Variants in RFX1 observed in about 807,000 individuals in gnomAD.
RFX1 encodes the protein MHC class II regulatory factor RFX1.
A neutral mutation model predicts 119.6 loss-of-function variants in RFX1; 42 were observed. The observed-to-expected ratio is 0.35, with a 90% CI of 0.27 to 0.45. RFX1 has a LOEUF of 0.45. Among genes scored for constraint, RFX1 ranks in the 20% least tolerant of loss-of-function variants. The pLI is 1.00. For missense variants in RFX1, 1,118 were observed against 1,368.1 expected (o/e 0.82, Z 2.88); for synonymous variants, 628 against 618.5 (o/e 1.02, Z -0.23).
chr19:13,968,940 C>T lies in RFX1; in HGVS notation c.1497-46G>A, dbSNP rs1042451042. 6 of 1,535,380 alleles carry T rather than the reference C, an allele frequency of 3.9e-6. No homozygotes were observed. The highest frequency in any genetic ancestry group is 5.3e-6 in the Non-Finnish European group (6 of 1,142,708). On this transcript the variant is annotated intron_variant, in intron 10 of 20. Coordinates refer to ENST00000254325, the MANE Select transcript of RFX1 (RefSeq NM_002918.5). This position sits in a 1 kb window ranked among gnomAD's most constrained non-coding sequence, Gnocchi z 5.5. ...AAGGGCTGGGCTGGGGGTCTGCCGG[C>T]TGGCCGGCCATGGAGCACCTCACAG...
rs771187898 is a variant in RFX1 at position 13,983,606 on chromosome 19, G to T, written c.320-11C>A. On this transcript the variant is annotated splice_polypyrimidine_tract_variant and intron_variant, in intron 2 of 20. Coordinates refer to ENST00000254325, the MANE Select transcript of RFX1 (RefSeq NM_002918.5). ...CCCGCATGGCACCTTCTGTGGGGAG[G>T]GGCCACCAGGTCAGTTCTTCCTGCT... 250 of 1,584,106 alleles carry T rather than the reference G, an allele frequency of 1.6e-4. No individual in the cohort carries two copies. The highest frequency in any genetic ancestry group is 2.0e-4 in the Non-Finnish European group (239 of 1,167,294).
rs758022031 is a variant in RFX1 at position 13,963,108 on chromosome 19, C to T, written c.2724+14G>A. 1 of 1,610,076 alleles carries T rather than the reference C, an allele frequency of 6.2e-7. No homozygotes were observed. Among genetic ancestry groups the T allele is most frequent in the Admixed American group, 1.7e-5 (1 of 59,764 alleles). ...GGCGCCCCGCCCGCGCCCCCAGTGG[C>T]CCGCCTCGCGCACCTCGCCCATGAC... On this transcript the variant is annotated intron_variant, in intron 19 of 20. Coordinates refer to ENST00000254325, the MANE Select transcript of RFX1 (RefSeq NM_002918.5).
At chr19:13,984,170 C>T (rs1025248696) in intron 2 of RFX1, among the ~76,000 whole-genome samples, 1 of 151,392 alleles carries the variant, frequency 6.6e-6, no homozygotes, top group African/African-American at 2.5e-5. Flanking sequence ...CGCTGACAGG[C>T]AGCTGAGAAG....
intron 20 of RFX1, 33 bp from the exon 21 acceptor site, chr19:13,962,897 G>A (rs771863371): frequency 1.8e-4 from 284 of 1,537,618 alleles, no homozygotes; most frequent in Non-Finnish European, 2.4e-4. Context: ...GGCTCGGGGC[G>A]GGGTGGCAAC....
rs1253688976 is a variant in RFX1, at chr19:13,980,906, T to C, written c.622-217A>G. Among the ~76,000 whole-genome samples, 1 of 152,058 alleles carries C rather than the reference T, an allele frequency of 6.6e-6. No homozygotes were observed. ...AGTCAACTCCCAGCAATGATGGGGG[T>C]TTAACCCTCCCCAGCAAGGTTGGCT... On this transcript the variant is annotated intron_variant, in intron 5 of 20. Coordinates refer to ENST00000254325, the MANE Select transcript of RFX1 (RefSeq NM_002918.5). This position sits in a 1 kb window ranked among gnomAD's most constrained non-coding sequence, Gnocchi z 5.1.
chr19:13,983,061 A>T lies in RFX1; in HGVS notation c.513+126T>A, dbSNP rs1242572726. 80 of 699,634 alleles carry T rather than the reference A, an allele frequency of 1.1e-4. 1 individual carries two copies. In the South Asian group the frequency reaches 1.3e-3, roughly 12 times the overall value. 43.3% of individuals were successfully genotyped at this position (699,634 alleles called of 1,614,324 possible). On this transcript the variant is annotated intron_variant, in intron 4 of 20. Transcript: ENST00000254325. Reference sequence around the variant, plus strand: ...AGGTGACTGCCCAGAGCCAGGAGGTAGGGCAGCCCCTGGATGGGGACTCTT... The same window carrying T: ...AGGTGACTGCCCAGAGCCAGGAGGTTGGGCAGCCCCTGGATGGGGACTCTT...
chr19:13,972,928 T>TGGCCCC lies in RFX1; in HGVS notation c.1123_1128dup (p.Gly375_Ala376dup), dbSNP rs780254578. The stretch of plus-strand genomic sequence containing the variant: ...CTGCCACCACCTCCGCTGCTGTTGC[T>TGGCCCC]GGCCCCAGCCCCAGTGCTGGTGGAG... On this transcript the variant is annotated inframe_insertion, in exon 9 of 21. Coordinates refer to ENST00000254325, the MANE Select transcript of RFX1 (RefSeq NM_002918.5). 3.1e-5 allele frequency: 49 copies of TGGCCCC among 1,598,256 alleles called. No individual in the cohort carries two copies. In the African/African-American group the frequency reaches 6.1e-4, roughly 20 times the overall value.
At chr19:13,993,429 T>G (rs1274161117) in intron 2 of RFX1, 96 bp downstream of exon 2, 4 of 1,244,690 alleles carry the variant, frequency 3.2e-6, no homozygotes, top group Middle Eastern at 2.8e-4. Context: ...CCAGAAACCT[T>G]GGGGGGCATG....
rs1258665094 is a variant in RFX1 at position 13,963,627 on chromosome 19, G to A, written c.2481C>T (p.Gly827=). Residue 827 remains glycine (G), a synonymous_variant, in exon 18 of 21, where the codon GGC becomes GGT. Transcript: ENST00000254325. Reference sequence around the variant, plus strand: ...AGGGCTTGAGCACCTGGCTCACCACGCCGTCCAGCCAGGCCGCCCACTGCT... The same window carrying A: ...AGGGCTTGAGCACCTGGCTCACCACACCGTCCAGCCAGGCCGCCCACTGCT... ...SLEQWAAWLD[G]VVSQVLKPYQ... 1.9e-6 allele frequency: 3 copies of A among 1,601,440 alleles called. No individual in the cohort carries two copies. The highest frequency in any genetic ancestry group is 1.7e-6 in the Non-Finnish European group (2 of 1,177,678).
Position 13,972,773 on chromosome 19 carries a change from G to C in RFX1, c.1284C>G (p.Tyr428Ter), listed in dbSNP as rs751773825. 1 of 1,606,516 alleles carries C rather than the reference G, an allele frequency of 6.2e-7. No homozygotes were observed. The highest frequency in any genetic ancestry group is 8.5e-7 in the Non-Finnish European group (1 of 1,176,484). Reference protein sequence around the residue: ...GYMLGSASQSYSHTTRASPAT... With the variant: ...GYMLGSASQS Reference sequence around the variant, plus strand: ...CTGGCGAGGCACGGGTGGTGTGAGAGTAAGACTGGCTGGCACTGCCCAGCA... The same window carrying C: ...CTGGCGAGGCACGGGTGGTGTGAGACTAAGACTGGCTGGCACTGCCCAGCA... The change falls in exon 9 of 21, where the codon TAC becomes TAG. Residue 428 changes from tyrosine (Y) to a stop codon, truncating the protein, a stop_gained. Coordinates refer to ENST00000254325, the MANE Select transcript of RFX1 (RefSeq NM_002918.5). LOFTEE classifies it high-confidence loss of function.
intron 8 of RFX1, among the ~76,000 whole-genome samples, chr19:13,973,515 G>A (rs949250744): frequency 6.6e-6 from 1 of 152,196 alleles, no homozygotes; most frequent in African/African-American, 2.4e-5. Context: ...GGGAGGCTGA[G>A]GCAGGAAGAT....
intron 1 of RFX1, among the ~76,000 whole-genome samples, chr19:14,005,021 C>T (rs1267768232): frequency 6.6e-6 from 1 of 152,174 alleles, no homozygotes; most frequent in East Asian, 1.9e-4. Context: ...GACACAAAAA[C>T]ATGTGTCTGG....
In RFX1 at chr19:13,970,136, C is replaced by T. The variant is rs1413161203; in HGVS notation, c.1354G>A (p.Val452Met). ...LLDNYETAEG[V>M]SLPRSTLYCH... ...TAGAGGGTGCTCCGTGGCAGACTCA[C>T]GCCCTCAGCCGTCTCATAGTTGTCC... The change falls in exon 10 of 21, where the codon GTG becomes ATG. Residue 452 changes from valine to methionine, a missense_variant. Val to Met is a conservative substitution (Grantham distance 21). Transcript: ENST00000254325. 37 of 1,612,972 alleles carry T rather than the reference C, an allele frequency of 2.3e-5. No individual in the cohort carries two copies. Among genetic ancestry groups the T allele is most frequent in the Non-Finnish European group, 2.9e-5 (34 of 1,179,524 alleles).
intron 8 of RFX1, among the ~76,000 whole-genome samples, chr19:13,974,916 C>T (rs1220036118): frequency 6.6e-6 from 1 of 150,422 alleles, no homozygotes; most frequent in Non-Finnish European, 1.5e-5. Context: ...TGGTGGCAGG[C>T]GCCTGTAGTC....
At chr19:13,978,706 C>A (rs1257905524) in intron 7 of RFX1, among the ~76,000 whole-genome samples, 1 of 152,064 alleles carries the variant, frequency 6.6e-6, no homozygotes, top group Non-Finnish European at 1.5e-5. Context: ...GGCGCCCCCG[C>A]CCCCGCCCGC....
At chr19:13,995,247 G>A (rs1309339215) in intron 1 of RFX1, among the ~76,000 whole-genome samples, 2 of 151,838 alleles carry the variant, frequency 1.3e-5, no homozygotes, top group African/African-American at 4.8e-5. Flanking sequence ...GTTTATTGCC[G>A]GAAAGCAGAG....
At chr19:14,001,658 C>T (rs941901091) in intron 1 of RFX1, among the ~76,000 whole-genome samples, 1 of 152,198 alleles carries the variant, frequency 6.6e-6, no homozygotes, top group Admixed American at 6.5e-5. Context: ...GGTAAGGGCC[C>T]CACAGGCAGA....
At chr19:13,973,804 A>G (rs1166860585) in intron 8 of RFX1, among the ~76,000 whole-genome samples, 3 of 151,838 alleles carry the variant, frequency 2.0e-5, no homozygotes, top group African/African-American at 7.3e-5. Flanking sequence ...TAATTTTTGT[A>G]TTTTTTTAGT....
rs1331150301 is a variant in RFX1, at chr19:13,985,023, G to A, written c.320-1428C>T. Reference sequence around the variant, plus strand: ...CTACACGCATGCACCACCATGTCCGGCTAATTTTTGTATTTTTAATAGGGA... The same window carrying A: ...CTACACGCATGCACCACCATGTCCGACTAATTTTTGTATTTTTAATAGGGA... On this transcript the variant is annotated intron_variant, in intron 2 of 20. Transcript: ENST00000254325. This position sits in a 1 kb window ranked among gnomAD's most constrained non-coding sequence, Gnocchi z 4.3. 1.3e-5 allele frequency among the ~76,000 whole-genome samples: 2 copies of A among 152,094 alleles called. No homozygotes were observed. The highest frequency in any genetic ancestry group is 2.9e-5 in the Non-Finnish European group (2 of 68,012).
Sources: allele counts gnomAD v4.1 joint callset (sites outside exome capture counted in the v4.1 genomes callset), GRCh38; gene constraint gnomAD v4.1.1; non-coding constraint Gnocchi (gnomAD v3.1); transcripts MANE v1.5; gene names NCBI Gene and HGNC (gene_info 2026-07-23, HGNC 2026-07-21).